Variants in ATP11A observed in about 807,000 individuals in gnomAD.
The protein encoded by ATP11A is ATPase phospholipid transporting 11A.
A neutral mutation model predicts 154.4 loss-of-function variants in ATP11A; 81 were observed. The ratio of observed to expected loss-of-function variants is 0.52; its 90% CI spans 0.44 to 0.63. ATP11A has a LOEUF of 0.63. Among genes scored for constraint, ATP11A ranks in the 30% least tolerant of loss-of-function variants. The probability of loss-of-function intolerance (pLI) is 0.00; values close to 1 mark genes in which losing one functional copy is unlikely to be tolerated. For missense variants in ATP11A, 1,316 were observed against 1,474.3 expected, an observed-to-expected ratio of 0.89 and a Z score of 1.76; for synonymous variants, 623 against 585.9, an observed-to-expected ratio of 1.06 and a Z score of -0.91.
Position 112,886,489 on chromosome 13 carries a change from C to G in ATP11A, c.*4623C>G, listed in dbSNP as rs1240055361. Reference sequence around the variant, plus strand: ...TCCTACATTTCTTTAGGAAGTTACCCATTTGTAACTTTAAAAACAGGAAAA... The same window carrying G: ...TCCTACATTTCTTTAGGAAGTTACCGATTTGTAACTTTAAAAACAGGAAAA... On this transcript the variant is annotated 3_prime_UTR_variant, in exon 30 of 30. Coordinates refer to ENST00000375645, the MANE Select transcript of ATP11A (RefSeq NM_015205.3). The G allele has an allele frequency of 6.6e-6, 1 of 152,256 alleles. No individual in the cohort carries two copies. The highest frequency in any genetic ancestry group is 1.5e-5 in the Non-Finnish European group (1 of 68,026). The allele number at this position is 152,256 out of a possible 1,614,324, so 9.4% of individuals were successfully genotyped here.
chr13:112,763,636 C>T (rs1230957007), intron 1 of ATP11A, among the ~76,000 whole-genome samples: 1 of 152,186 alleles, frequency 6.6e-6, no homozygotes, highest in Non-Finnish European at 1.5e-5. Context: ...CTCTCTGAAG[C>T]CTGCTACCTG....
rs1272219232 is a variant in ATP11A at position 112,862,563 on chromosome 13, A to G, written c.2979A>G (p.Thr993=). ...TCGTGTTTGAAAATACAACTGTGAC[A>G]AGCAACGGGCAGGTCAGTACAGAGC... ...AYFVFENTTV[T]SNGQIFGNWT... The change falls in exon 25 of 30, where the codon ACA becomes ACG. Residue 993 remains threonine, a synonymous_variant. Coordinates refer to ENST00000375645, the MANE Select transcript of ATP11A (RefSeq NM_015205.3). The G allele has an allele frequency of 2.5e-6, 4 of 1,614,066 alleles. No individual in the cohort carries two copies. The highest frequency in any genetic ancestry group is 2.5e-6 in the Non-Finnish European group (3 of 1,180,030).
rs1566612446 is a variant in ATP11A at position 112,881,908 on chromosome 13, CGCCTGGTACAGCTCCCACTCTCA to C, written c.*45_*67del. The C allele has an allele frequency of 7.3e-7, 1 of 1,367,774 alleles. No individual in the cohort carries two copies. Among genetic ancestry groups the C allele is most frequent in the South Asian group, 1.1e-5 (1 of 88,046 alleles). The allele number at this position is 1,367,774 out of a possible 1,614,324, so 84.7% of individuals were successfully genotyped here. A position where few individuals can be genotyped will look rare whatever the true frequency, so the allele number is the denominator to read the frequency against. On this transcript the variant is annotated 3_prime_UTR_variant, in exon 30 of 30. Coordinates refer to ENST00000375645, the MANE Select transcript of ATP11A (RefSeq NM_015205.3). The stretch of plus-strand genomic sequence containing the variant: ...GCTACCAGAGCACCTGTCCCTCGGC[CGCCTGGTACAGCTCCCACTCTCA>C]GCAGGTGACACTCGCGGCCTGGAAG...
intron 8 of ATP11A, among the ~76,000 whole-genome samples, chr13:112,820,392 G>A (rs1648198033): frequency 6.6e-6 from 1 of 152,230 alleles, no homozygotes; most frequent in African/African-American, 2.4e-5. Context: ...GTGCATTACT[G>A]GCTCAAGGCC....
intron 25 of ATP11A, among the ~76,000 whole-genome samples, chr13:112,866,152 G>T (rs1398023973): frequency 7.2e-5 from 11 of 152,108 alleles, no homozygotes; most frequent in African/African-American, 2.7e-4. Flanking sequence ...CTCAGATAAT[G>T]ACTACCAACA....
intron 1 of ATP11A, among the ~76,000 whole-genome samples, chr13:112,775,697 G>C (rs2077331467): frequency 1.3e-5 from 2 of 149,228 alleles, no homozygotes; most frequent in Admixed American, 6.8e-5. Context: ...CTGCACGTTT[G>C]AATTATTTCA....
chr13:112,720,312 G>A (rs1398663156), intron 1 of ATP11A, among the ~76,000 whole-genome samples: 1 of 152,246 alleles, frequency 6.6e-6, no homozygotes, highest in Non-Finnish European at 1.5e-5. Context: ...GGCCATAGGT[G>A]GAGTCGGAGA....
At chr13:112,868,864 C>T (rs569020839) in intron 25 of ATP11A, among the ~76,000 whole-genome samples, 92 of 152,244 alleles carry the variant, frequency 6.0e-4, no homozygotes, top group African/African-American at 2.1e-3. Context: ...AACTTACAAT[C>T]ATGGCGGAAG....
chr13:112,863,264 A>C (rs77359127), intron 25 of ATP11A, among the ~76,000 whole-genome samples: 425 of 26,622 alleles, frequency 0.016, no homozygotes, highest in Middle Eastern at 0.067. Flanking sequence ...TTCAGTGCAA[A>C]CCATGCAGCT....
At position 112,862,784 on chromosome 13, in the gene ATP11A, C is replaced by T. The variant is rs542616949; in HGVS notation, c.2991+209C>T. Among the ~76,000 whole-genome samples the T allele has an allele frequency of 2.7e-5, 4 of 149,126 alleles. No individual in the cohort carries two copies. The East Asian group carries it at 7.8e-4, about 29-fold the overall frequency. On this transcript the variant is annotated intron_variant, in intron 25 of 29. Coordinates refer to ENST00000375645, the MANE Select transcript of ATP11A (RefSeq NM_015205.3). ...GTGCCGTAATTCAGTGCAGCCCGTG[C>T]AGCTTCCCAGCAGGGTCCATCACCA...
At chr13:112,797,292 A>AG in intron 2 of ATP11A, among the ~76,000 whole-genome samples, 1 of 150,882 alleles carries the variant, frequency 6.6e-6, no homozygotes, top group African/African-American at 2.4e-5. Context: ...CTCAAAAAAA[A>AG]AAAAAAAAAA....
intron 1 of ATP11A, among the ~76,000 whole-genome samples, chr13:112,782,970 C>T (rs2077536391): frequency 6.6e-6 from 1 of 152,248 alleles, no homozygotes; most frequent in Non-Finnish European, 1.5e-5. Context: ...AGCCAAACAT[C>T]TCTGAAAACA....
chr13:112,880,225 G>C lies in ATP11A; in HGVS notation c.*10-1651G>C, dbSNP rs2080843895. 2.5e-5 allele frequency: 4 copies of C among 157,594 alleles called. No individual in the cohort carries two copies. In the Admixed American group the frequency reaches 2.5e-4, roughly 10 times the overall value. 9.8% of individuals were successfully genotyped at this position (157,594 alleles called of 1,614,324 possible). A position where few individuals can be genotyped will look rare whatever the true frequency, so the allele number is the denominator to read the frequency against. Reference sequence around the variant, plus strand: ...GCGTGTGGCTGAACGTGTGGCTTCAGGATTCCAGCGGTGCCTGGTAGACCT... The same window carrying C: ...GCGTGTGGCTGAACGTGTGGCTTCACGATTCCAGCGGTGCCTGGTAGACCT... On this transcript the variant is annotated intron_variant, in intron 29 of 29. Coordinates refer to ENST00000375645, the MANE Select transcript of ATP11A (RefSeq NM_015205.3).
chr13:112,831,314 C>T (rs2079077184), intron 12 of ATP11A, 61 bp from the exon 13 acceptor site: 1 of 1,565,370 alleles, frequency 6.4e-7, no homozygotes, highest in Non-Finnish European at 8.7e-7. Context: ...TGCTGTGTGT[C>T]TGAGTCGGGG....
At chr13:112,863,934 G>A (rs375610894) in intron 25 of ATP11A, among the ~76,000 whole-genome samples, 3 of 71,194 alleles carry the variant, frequency 4.2e-5, no homozygotes, top group Middle Eastern at 0.013. Context: ...TCCCAGCGGG[G>A]TCCATCACCA....
intron 29 of ATP11A, chr13:112,878,547 G>A: frequency 1.7e-6 from 1 of 574,468 alleles, no homozygotes; most frequent in Non-Finnish European, 3.1e-6. Flanking sequence ...TGCAGCCTCA[G>A]AACCCACCTG....
rs201634106 is a variant in ATP11A at position 112,860,276 on chromosome 13, T to C, written c.2728-11T>C. 1.2e-6 allele frequency: 2 copies of C among 1,609,180 alleles called. No individual in the cohort carries two copies. Among genetic ancestry groups the C allele is most frequent in the East Asian group, 4.5e-5 (2 of 44,738 alleles). On this transcript the variant is annotated splice_polypyrimidine_tract_variant and intron_variant, in intron 23 of 29. Transcript: ENST00000375645. ...ACTGAGGTGCCACTTCTTGTGACTTTCCTCTTACAGACTTTGTACGACACC... is the reference window on the plus strand; with the variant it reads ...ACTGAGGTGCCACTTCTTGTGACTTCCCTCTTACAGACTTTGTACGACACC...
chr13:112,722,782 G>C (rs905767568), intron 1 of ATP11A, among the ~76,000 whole-genome samples: 4 of 152,222 alleles, frequency 2.6e-5, no homozygotes, highest in Non-Finnish European at 5.9e-5. Context: ...CGAGGAAGTG[G>C]TCCAAGGTGG....
chr13:112,855,288 G>A (rs772923350), intron 19 of ATP11A, among the ~76,000 whole-genome samples: 12 of 152,048 alleles, frequency 7.9e-5, no homozygotes, highest in East Asian at 1.9e-4. Flanking sequence ...TGTGACCTCC[G>A]CCTCCCAGGT....
Sources: gnomAD v4.1 joint callset for allele counts (sites outside exome capture counted in the v4.1 genomes callset) on GRCh38, gnomAD v4.1.1 for gene constraint, MANE v1.5 for transcripts, NCBI Gene and HGNC (gene_info 2026-07-23, HGNC 2026-07-21) for gene names.